Variants in WDR72 observed in about 807,000 individuals in gnomAD.
WDR72 encodes the protein WD repeat-containing protein 72.
A neutral mutation model predicts 124.2 loss-of-function variants in WDR72; 120 were observed. The ratio of observed to expected loss-of-function variants is 0.97; its 90% CI spans 0.83 to 1.12. The LOEUF (loss-of-function observed/expected upper bound fraction) is 1.12. Ranked by LOEUF, WDR72 falls within the 50% of genes most tolerant of loss-of-function variation. The pLI is 0.00. For synonymous variants in WDR72, 452 were observed against 441.7 expected, an observed-to-expected ratio of 1.02 and a Z score of -0.29; for missense variants, 1,387 against 1,278.8, an observed-to-expected ratio of 1.08 and a Z score of -1.29.
intron 18 of WDR72, among the ~76,000 whole-genome samples, chr15:53,577,410 A>G (rs545122268): frequency 6.6e-6 from 1 of 152,158 alleles, no homozygotes; most frequent in Non-Finnish European, 1.5e-5. Context: ...ATCTCAGTCA[A>G]TCAAAGACAA....
At chr15:53,662,610 A>C (rs2015644666) in intron 14 of WDR72, among the ~76,000 whole-genome samples, 2 of 152,178 alleles carry the variant, frequency 1.3e-5, no homozygotes. Flanking sequence ...TTTTTTCCAC[A>C]CATAAAATGA....
At chr15:53,637,349 G>C (rs934737781) in intron 14 of WDR72, among the ~76,000 whole-genome samples, 1 of 152,046 alleles carries the variant, frequency 6.6e-6, no homozygotes, top group Admixed American at 6.6e-5. Context: ...TCTGAGTCTG[G>C]GGACCTTTTA....
chr15:53,741,684 TC>T (rs915796178), intron 1 of WDR72, among the ~76,000 whole-genome samples: 14 of 151,814 alleles, frequency 9.2e-5, no homozygotes, highest in African/African-American at 2.7e-4. Flanking sequence ...ATTAATGTAA[TC>T]CCCCCCTCAC....
chr15:53,527,888 C>A (rs1444036460), intron 18 of WDR72, among the ~76,000 whole-genome samples: 1 of 151,960 alleles, frequency 6.6e-6, no homozygotes, highest in Non-Finnish European at 1.5e-5. Context: ...ATATGGTAGC[C>A]AAGAGTTGAA....
intron 15 of WDR72, among the ~76,000 whole-genome samples, chr15:53,614,675 C>T (rs1358231014): frequency 6.6e-6 from 1 of 152,046 alleles, no homozygotes; most frequent in Non-Finnish European, 1.5e-5. Context: ...AACTAAGTCC[C>T]TCATCTGCTC....
chr15:53,561,627 C>G (rs927460353), intron 18 of WDR72, among the ~76,000 whole-genome samples: 4 of 151,698 alleles, frequency 2.6e-5, no homozygotes, highest in Admixed American at 2.6e-4. Flanking sequence ...AGGCCTCACC[C>G]CAAAAGAGTA....
chr15:53,624,153 T>C (rs2014116502), intron 14 of WDR72, among the ~76,000 whole-genome samples: 1 of 152,152 alleles, frequency 6.6e-6, no homozygotes, highest in South Asian at 2.1e-4. Flanking sequence ...GGTATGCATA[T>C]AGCGTGAACT....
intron 14 of WDR72, among the ~76,000 whole-genome samples, chr15:53,647,773 G>A (rs933948737): frequency 2.0e-5 from 3 of 152,054 alleles, no homozygotes; most frequent in African/African-American, 7.2e-5. Flanking sequence ...TTTGTTACTA[G>A]AACATAATAT....
At chr15:53,592,724 A>C (rs2012569414) in intron 18 of WDR72, among the ~76,000 whole-genome samples, 1 of 152,088 alleles carries the variant, frequency 6.6e-6, no homozygotes, top group South Asian at 2.1e-4. Flanking sequence ...TAGTTCAACC[A>C]ATTTATTTAA....
chr15:53,658,513 T>C (rs903816706), intron 14 of WDR72, among the ~76,000 whole-genome samples: 1 of 152,134 alleles, frequency 6.6e-6, no homozygotes, highest in Non-Finnish European at 1.5e-5. Context: ...GGTGTTGCTA[T>C]GGGCACAGCC....
chr15:53,586,840 G>A (rs1183748882), intron 18 of WDR72, among the ~76,000 whole-genome samples: 3 of 152,052 alleles, frequency 2.0e-5, no homozygotes, highest in African/African-American at 7.2e-5. Flanking sequence ...GCAAACATGG[G>A]AGAGAAAGAA....
intron 18 of WDR72, among the ~76,000 whole-genome samples, chr15:53,536,529 C>T (rs1174645435): frequency 6.6e-6 from 1 of 152,080 alleles, no homozygotes; most frequent in African/African-American, 2.4e-5. Context: ...TGGTTACTCT[C>T]CTACATCTAT....
intron 18 of WDR72, among the ~76,000 whole-genome samples, chr15:53,546,652 C>G (rs1422493905): frequency 6.6e-6 from 1 of 151,992 alleles, no homozygotes; most frequent in East Asian, 1.9e-4. Context: ...TACCCTAAAA[C>G]ATAAAGTATA....
intron 17 of WDR72, among the ~76,000 whole-genome samples, chr15:53,603,480 T>C (rs552132624): frequency 6.4e-4 from 97 of 152,278 alleles, no homozygotes; most frequent in African/African-American, 2.0e-3. Flanking sequence ...TTGGAATTTC[T>C]GGCCAGGGCA....
intron 14 of WDR72, among the ~76,000 whole-genome samples, chr15:53,657,134 TG>T (rs1451894788): frequency 6.6e-6 from 1 of 151,488 alleles, no homozygotes; most frequent in African/African-American, 2.4e-5. Flanking sequence ...TGTGGTGGCA[TG>T]CACTTGTAGT....
At chr15:53,716,158 T>C (rs1420741487) in intron 4 of WDR72, among the ~76,000 whole-genome samples, 1 of 152,182 alleles carries the variant, frequency 6.6e-6, no homozygotes, top group Non-Finnish European at 1.5e-5. Flanking sequence ...AGCCAAGATT[T>C]GCTTTAAAGA....
At chr15:53,630,412 A>G (rs2014380165) in intron 14 of WDR72, among the ~76,000 whole-genome samples, 1 of 152,176 alleles carries the variant, frequency 6.6e-6, no homozygotes, top group South Asian at 2.1e-4. Context: ...ATCACAAGAT[A>G]AGAAAAGTAC....
chr15:53,709,250 C>G (rs1376106904), intron 9 of WDR72, among the ~76,000 whole-genome samples: 1 of 152,146 alleles, frequency 6.6e-6, no homozygotes, highest in African/African-American at 2.4e-5. Context: ...GGATAAAAGG[C>G]AAGTAAGGAC....
intron 19 of WDR72, among the ~76,000 whole-genome samples, chr15:53,520,547 C>T (rs981429585): frequency 6.6e-6 from 1 of 152,054 alleles, no homozygotes; most frequent in Admixed American, 6.6e-5. Flanking sequence ...AGTTTAGCTA[C>T]TGAAGCACCT....
Sources: gnomAD v4.1 joint callset for allele counts (sites outside exome capture counted in the v4.1 genomes callset) on GRCh38, gnomAD v4.1.1 for gene constraint, MANE v1.5 for transcripts, NCBI Gene and HGNC (gene_info 2026-07-23, HGNC 2026-07-21) for gene names.